PIP4P2: variants seen among roughly 807,000 people sequenced by gnomAD.
PIP4P2 encodes type 2 phosphatidylinositol 4,5-bisphosphate 4-phosphatase.
In PIP4P2, 19 loss-of-function variants were observed where a neutral mutation model predicts 33.3. The ratio of observed to expected loss-of-function variants is 0.57; its 90% confidence interval spans 0.40 to 0.84. The LOEUF (loss-of-function observed/expected upper bound fraction) is 0.84. Among genes scored for constraint, PIP4P2 ranks in the 40% least tolerant of loss-of-function variants. PIP4P2 has a pLI of 0.00. For missense variants in PIP4P2, 270 were observed against 324.7 expected (o/e 0.83, Z 1.29); for synonymous variants, 110 against 111.9 (o/e 0.98, Z 0.11).
intron 1 of PIP4P2, among the ~76,000 whole-genome samples, chr8:91,037,015 G>T (rs1260391219): frequency 6.6e-6 from 1 of 152,150 alleles, no homozygotes; most frequent in Admixed American, 6.5e-5. Flanking sequence ...TACATGACAA[G>T]TTACTTTCCC....
intron 1 of PIP4P2, 143 bp from the exon 2 acceptor site, chr8:91,021,547 T>G: frequency 1.1e-6 from 1 of 921,042 alleles, no homozygotes. Flanking sequence ...CCAATTTATC[T>G]TACTTTTAGA....
At chr8:91,012,382 A>G (rs1330678524) in intron 4 of PIP4P2, among the ~76,000 whole-genome samples, 1 of 152,072 alleles carries the variant, frequency 6.6e-6, no homozygotes, top group East Asian at 1.9e-4. Flanking sequence ...CTAATAATTA[A>G]CAGTGTGAAG....
At chr8:91,029,836 G>A (rs1159150892) in intron 1 of PIP4P2, among the ~76,000 whole-genome samples, 7 of 151,986 alleles carry the variant, frequency 4.6e-5, no homozygotes, top group East Asian at 3.9e-4. Context: ...GCGTGGTGGC[G>A]GGCGCCTGTA....
In PIP4P2 at chr8:90,994,780, T is replaced by A. The variant is rs1421982405; in HGVS notation, c.*897A>T. ...TACATAATTACCTCAATAAGAAAAA[T>A]TTACCATGATCTAAGGGAAAGGGGC... On this transcript the variant is annotated 3_prime_UTR_variant, in exon 7 of 7. Transcript: ENST00000285419. 6.6e-6 allele frequency: 1 copy of A among 151,966 alleles called. No homozygotes were observed. Among genetic ancestry groups the A allele is most frequent in the Non-Finnish European group, 1.5e-5 (1 of 67,886 alleles). 9.4% of individuals were successfully genotyped at this position (151,966 alleles called of 1,614,324 possible).
At chr8:91,014,516 C>T (rs563672491) in intron 4 of PIP4P2, among the ~76,000 whole-genome samples, 53 of 152,152 alleles carry the variant, frequency 3.5e-4, no homozygotes, top group African/African-American at 1.3e-3. Context: ...ACTGCACGAT[C>T]ACGCCTGTAT....
At chr8:91,035,763 T>C (rs993416780) in intron 1 of PIP4P2, among the ~76,000 whole-genome samples, 1 of 152,140 alleles carries the variant, frequency 6.6e-6, no homozygotes, top group African/African-American at 2.4e-5. Flanking sequence ...GTGTGGTGGC[T>C]CATGCCTGTA....
intron 4 of PIP4P2, among the ~76,000 whole-genome samples, chr8:91,013,610 C>T (rs1246561135): frequency 2.0e-5 from 3 of 152,126 alleles, no homozygotes; most frequent in Non-Finnish European, 4.4e-5. Flanking sequence ...ACATAGCTCG[C>T]TGCAACCTCC....
Position 91,040,673 on chromosome 8 carries a change from G to A in PIP4P2, c.77C>T (p.Pro26Leu), listed in dbSNP as rs763615534. 5.4e-5 allele frequency: 87 copies of A among 1,613,498 alleles called. No homozygotes were observed. Among genetic ancestry groups the A allele is most frequent in the Non-Finnish European group, 7.0e-5 (83 of 1,180,040 alleles). The change falls in exon 1 of 7, where the codon CCA (proline) becomes CTA (leucine). Residue 26 changes from proline (P) to leucine (L), a missense_variant. Coordinates refer to ENST00000285419, the MANE Select transcript of PIP4P2 (RefSeq NM_018710.3). ...SHSGNVTPTA[P>L]PYLQESSPRA... ...GGGGCTGCTTTCTTGCAAGTACGGT[G>A]GGGCGGTGGGAGTGACATTTCCGGA...
At chr8:91,020,059 A>C (rs192959377) in intron 3 of PIP4P2, 98 bp downstream of exon 3, 1 of 1,203,900 alleles carries the variant, frequency 8.3e-7, no homozygotes, top group Admixed American at 2.5e-5. Flanking sequence ...TGAAAACAAA[A>C]ACTCTTTCTA....
chr8:91,040,766 G>C lies in PIP4P2; in HGVS notation c.-17C>G, dbSNP rs781622118. ...AGCAGCCATGACTGCGGCAGCGGCG[G>C]GGCCTGGGGAGGCCGAGCCGGGGTT... On this transcript the variant is annotated 5_prime_UTR_variant, in exon 1 of 7. Coordinates refer to ENST00000285419, the MANE Select transcript of PIP4P2 (RefSeq NM_018710.3). 1.2e-6 allele frequency: 2 copies of C among 1,610,334 alleles called. No homozygotes were observed. Among genetic ancestry groups the C allele is most frequent in the South Asian group, 1.1e-5 (1 of 90,968 alleles).
chr8:90,996,798 T>A, intron 5 of PIP4P2, 54 bp from the exon 6 acceptor site: 1 of 1,444,428 alleles, frequency 6.9e-7, no homozygotes, highest in East Asian at 2.5e-5. Flanking sequence ...AAAAATTCTC[T>A]ATTTCATTTT....
intron 1 of PIP4P2, among the ~76,000 whole-genome samples, chr8:91,038,844 C>A (rs1413529435): frequency 1.3e-5 from 2 of 152,142 alleles, no homozygotes; most frequent in Non-Finnish European, 2.9e-5. Context: ...AAAATGTATT[C>A]TACCATAAGG....
intron 5 of PIP4P2, among the ~76,000 whole-genome samples, chr8:90,998,117 T>A (rs969957734): frequency 1.3e-5 from 2 of 152,042 alleles, no homozygotes; most frequent in Non-Finnish European, 2.9e-5. Flanking sequence ...CCACTGGTGG[T>A]TTTTCTTGCC....
At chr8:91,005,981 G>T (rs143323873) in intron 5 of PIP4P2, among the ~76,000 whole-genome samples, 1 of 152,320 alleles carries the variant, frequency 6.6e-6, no homozygotes, top group East Asian at 1.9e-4. Context: ...ATGAGAAAAT[G>T]CCCCTCAGTC....
At chr8:91,034,402 C>G (rs958089789) in intron 1 of PIP4P2, among the ~76,000 whole-genome samples, 2 of 152,166 alleles carry the variant, frequency 1.3e-5, no homozygotes. Context: ...GAGCTCACCA[C>G]CATACTGGAA....
chr8:91,001,689 T>A (rs1811701950), intron 5 of PIP4P2, among the ~76,000 whole-genome samples: 1 of 152,114 alleles, frequency 6.6e-6, no homozygotes, highest in Non-Finnish European at 1.5e-5. Context: ...TATTTAATAA[T>A]TATAAATCTG....
At chr8:91,021,204 A>C in intron 2 of PIP4P2, 52 bp downstream of exon 2, 1 of 1,599,504 alleles carries the variant, frequency 6.3e-7, no homozygotes, top group Non-Finnish European at 8.5e-7. Context: ...TCCTTTAGGA[A>C]TAAAATGTCA....
At chr8:91,007,506 C>T (rs934510289) in intron 5 of PIP4P2, among the ~76,000 whole-genome samples, 14 of 152,134 alleles carry the variant, frequency 9.2e-5, no homozygotes, top group African/African-American at 3.4e-4. Flanking sequence ...TTATTTCAAA[C>T]CTCTTATTTT....
chr8:91,031,376 T>C (rs999961618), intron 1 of PIP4P2, among the ~76,000 whole-genome samples: 1 of 152,224 alleles, frequency 6.6e-6, no homozygotes, highest in African/African-American at 2.4e-5. Context: ...TTTCTCTATA[T>C]TGTTTCTCCT....
Sources: gnomAD v4.1 joint callset for allele counts (sites outside exome capture counted in the v4.1 genomes callset) on GRCh38, gnomAD v4.1.1 for gene constraint, MANE v1.5 for transcripts, NCBI Gene and HGNC (gene_info 2026-07-23, HGNC 2026-07-21) for gene names.